PITPNC1: variants seen among roughly 807,000 people sequenced by gnomAD.
PITPNC1 encodes the protein phosphatidylinositol transfer protein cytoplasmic 1.
A neutral mutation model predicts 44.7 loss-of-function variants in PITPNC1; 18 were observed. The observed-to-expected ratio is 0.40, with a 90% CI of 0.28 to 0.60. PITPNC1 has a LOEUF of 0.60. Ranked by LOEUF, PITPNC1 falls within the 20% of genes least tolerant of loss-of-function variation. The pLI, the probability that PITPNC1 is intolerant of heterozygous loss-of-function variation, is 0.39. For missense variants in PITPNC1, 290 were observed against 418.4 expected, an observed-to-expected ratio of 0.69 and a Z score of 2.68; for synonymous variants, 141 against 149.6, an observed-to-expected ratio of 0.94 and a Z score of 0.42.
intron 1 of PITPNC1, among the ~76,000 whole-genome samples, chr17:67,490,629 G>A (rs1437188010): frequency 6.6e-6 from 1 of 152,078 alleles, no homozygotes; most frequent in African/African-American, 2.4e-5. Context: ...CCCAGAAGAA[G>A]CCTTCAGGGC....
At chr17:67,394,783 A>G (rs1181200037) in intron 1 of PITPNC1, among the ~76,000 whole-genome samples, 1 of 152,056 alleles carries the variant, frequency 6.6e-6, no homozygotes. Flanking sequence ...AGTCCCAGCT[A>G]CTTGGGGAGG....
intron 5 of PITPNC1, among the ~76,000 whole-genome samples, chr17:67,603,594 C>A (rs1040343883): frequency 6.6e-6 from 1 of 152,134 alleles, no homozygotes; most frequent in Non-Finnish European, 1.5e-5. Flanking sequence ...CACGTGCTCT[C>A]ATGTAACTAA....
At chr17:67,646,191 C>G (rs1211408407) in intron 6 of PITPNC1, among the ~76,000 whole-genome samples, 1 of 152,178 alleles carries the variant, frequency 6.6e-6, no homozygotes, top group Non-Finnish European at 1.5e-5. Flanking sequence ...TAAATCTTCT[C>G]CAAGCCCTTT....
chr17:67,477,989 C>T (rs1381899581), intron 1 of PITPNC1, among the ~76,000 whole-genome samples: 1 of 152,106 alleles, frequency 6.6e-6, no homozygotes, highest in Non-Finnish European at 1.5e-5. Flanking sequence ...TGCTGGCTTC[C>T]CCGAGGATGA....
At chr17:67,474,927 T>C (rs1215208349) in intron 1 of PITPNC1, among the ~76,000 whole-genome samples, 1 of 152,158 alleles carries the variant, frequency 6.6e-6, no homozygotes, top group African/African-American at 2.4e-5. Context: ...GTGTTGGGAT[T>C]ATAGGCATGA....
intron 5 of PITPNC1, among the ~76,000 whole-genome samples, chr17:67,587,650 A>C (rs749934577): frequency 1.3e-5 from 2 of 152,170 alleles, no homozygotes; most frequent in Non-Finnish European, 2.9e-5. Flanking sequence ...GGACCTTCTG[A>C]TGGCTTCCAG....
At chr17:67,587,247 G>A (rs760356733) in intron 5 of PITPNC1, among the ~76,000 whole-genome samples, 4 of 151,970 alleles carry the variant, frequency 2.6e-5, no homozygotes, top group Non-Finnish European at 4.4e-5. Flanking sequence ...AGTGCTCTGG[G>A]AGGTCAAAGC....
rs1432737449 is a variant in PITPNC1, at chr17:67,425,248, CACACACACACACACAGAG to C, written c.48+47047_48+47064del. Among the ~76,000 whole-genome samples, 147 of 116,942 alleles carry C rather than the reference CACACACACACACACAGAG, an allele frequency of 1.3e-3. 5 individuals are homozygous for C. Among genetic ancestry groups the C allele is most frequent in the African/African-American group, 2.9e-3 (84 of 28,584 alleles). 76.7% of individuals were successfully genotyped at this position (116,942 alleles called of 152,430 possible). A position where few individuals can be genotyped will look rare whatever the true frequency, so the allele number is the denominator to read the frequency against. On this transcript the variant is annotated intron_variant, in intron 1 of 8. Coordinates refer to ENST00000581322, the MANE Select transcript of PITPNC1 (RefSeq NM_012417.4). ...ACACACACACACACACACACACACA[CACACACACACACACAGAG>C]GGAGAGAGAGAGAGAAATGACCTCT...
chr17:67,432,585 C>A (rs2038873247), intron 1 of PITPNC1, among the ~76,000 whole-genome samples: 2 of 152,048 alleles, frequency 1.3e-5, no homozygotes, highest in Admixed American at 1.3e-4. Context: ...AAATAAAGGT[C>A]CGTGTATAAT....
chr17:67,666,244 C>A (rs543793230), intron 6 of PITPNC1, among the ~76,000 whole-genome samples: 1 of 152,338 alleles, frequency 6.6e-6, no homozygotes, highest in African/African-American at 2.4e-5. Flanking sequence ...AATCCTCCTG[C>A]CTTGGCCTCA....
intron 1 of PITPNC1, among the ~76,000 whole-genome samples, chr17:67,499,954 C>T (rs2040004813): frequency 6.6e-6 from 1 of 152,198 alleles, no homozygotes; most frequent in Non-Finnish European, 1.5e-5. Context: ...ATTGGTGAGC[C>T]TCCATCGTTT....
At chr17:67,683,162 C>CAAAAAAAAAAA (rs901577194) in intron 8 of PITPNC1, among the ~76,000 whole-genome samples, 4 of 41,528 alleles carry the variant, frequency 9.6e-5, no homozygotes, top group African/African-American at 1.5e-4. Context: ...AACTGAGTCT[C>CAAAAAAAAAAA]AAAAAAAAAA....
At chr17:67,490,901 T>C (rs1282889675) in intron 1 of PITPNC1, among the ~76,000 whole-genome samples, 2 of 152,200 alleles carry the variant, frequency 1.3e-5, no homozygotes, top group Admixed American at 6.5e-5. Flanking sequence ...TTTCAAACTT[T>C]ATACTTACTT....
At chr17:67,383,772 C>T (rs1351880679) in intron 1 of PITPNC1, among the ~76,000 whole-genome samples, 2 of 152,224 alleles carry the variant, frequency 1.3e-5, no homozygotes, top group African/African-American at 4.8e-5. Context: ...GGCGCGGTGG[C>T]TCATGCCTGT....
At chr17:67,645,392 T>C (rs996121877) in intron 6 of PITPNC1, among the ~76,000 whole-genome samples, 16 of 151,348 alleles carry the variant, frequency 1.1e-4, no homozygotes, top group African/African-American at 3.9e-4. Context: ...ATTGACACAT[T>C]GAGGAGGAGC....
At chr17:67,459,582 T>C (rs978104527) in intron 1 of PITPNC1, 1 of 152,220 alleles carries the variant, frequency 6.6e-6, no homozygotes, top group Non-Finnish European at 1.5e-5. Flanking sequence ...GGTTATATTT[T>C]ACCCAGCATT....
chr17:67,583,875 GTGTGTGTGTGTGTGTGTGTGTT>G (rs1375263912), intron 5 of PITPNC1, among the ~76,000 whole-genome samples: 6 of 122,522 alleles, frequency 4.9e-5, no homozygotes, highest in Non-Finnish European at 1.0e-4. Flanking sequence ...TTGTGTGTGT[GTGTGTGTGTGTGTGTGTGTGTT>G]TGTGTGTGTG....
At chr17:67,486,900 G>A (rs945395993) in intron 1 of PITPNC1, among the ~76,000 whole-genome samples, 13 of 151,952 alleles carry the variant, frequency 8.6e-5, no homozygotes, top group African/African-American at 3.1e-4. Context: ...GAGCGTGGTG[G>A]TGCATGTCTG....
intron 6 of PITPNC1, among the ~76,000 whole-genome samples, chr17:67,669,128 T>C (rs1380112010): frequency 1.3e-5 from 2 of 152,130 alleles, no homozygotes; most frequent in African/African-American, 2.4e-5. Context: ...GTTTTTGAGA[T>C]GGAGTTTCGC....
Sources: allele counts gnomAD v4.1 joint callset (sites outside exome capture counted in the v4.1 genomes callset), GRCh38; gene constraint gnomAD v4.1.1; transcripts MANE v1.5; gene names NCBI Gene and HGNC (gene_info 2026-07-23, HGNC 2026-07-21).